Variants in ZBTB38 observed in about 807,000 individuals in gnomAD.
The protein encoded by ZBTB38 is zinc finger and BTB domain containing 38, also known as zinc finger and BTB domain-containing protein 38.
A neutral mutation model predicts 76.8 loss-of-function variants in ZBTB38; 20 were observed. That is an observed-to-expected ratio of 0.26 (90% CI 0.18 to 0.38). The LOEUF (loss-of-function observed/expected upper bound fraction) is 0.38. Ranked by LOEUF, ZBTB38 falls within the 10% of genes least tolerant of loss-of-function variation. ZBTB38 has a pLI of 1.00. For synonymous variants in ZBTB38, 504 were observed against 544.2 expected (o/e 0.93, Z 1.03); for missense variants, 1,082 against 1,482.3 (o/e 0.73, Z 4.43).
intron 1 of ZBTB38, among the ~76,000 whole-genome samples, chr3:141,360,903 GT>G (rs1018275359): frequency 6.6e-6 from 1 of 152,204 alleles, no homozygotes; most frequent in African/African-American, 2.4e-5. Context: ...CTTGTCCTCA[GT>G]TTCTCATCAA....
intron 1 of ZBTB38, among the ~76,000 whole-genome samples, chr3:141,341,555 A>C (rs111557926): frequency 0.036 from 5,487 of 152,350 alleles, 121 homozygotes; most frequent in Non-Finnish European, 0.045. Context: ...GAGAATGGAG[A>C]GCCAAGGGCA....
At chr3:141,342,438 A>C (rs1943225911) in intron 1 of ZBTB38, among the ~76,000 whole-genome samples, 1 of 151,944 alleles carries the variant, frequency 6.6e-6, no homozygotes, top group African/African-American at 2.4e-5. Flanking sequence ...CTAAGCAACA[A>C]GTATATACGT....
At chr3:141,416,642 G>A (rs2074113683) in intron 5 of ZBTB38, among the ~76,000 whole-genome samples, 1 of 152,222 alleles carries the variant, frequency 6.6e-6, no homozygotes, top group South Asian at 2.1e-4. Flanking sequence ...ACCCGTGAGT[G>A]TGACCTAATT....
intron 5 of ZBTB38, among the ~76,000 whole-genome samples, chr3:141,406,813 C>A (rs1954658170): frequency 6.6e-6 from 1 of 152,128 alleles, no homozygotes; most frequent in South Asian, 2.1e-4. Flanking sequence ...GGGAGCCAGG[C>A]ATGTCAGACC....
At chr3:141,360,418 C>T (rs770510373) in intron 1 of ZBTB38, among the ~76,000 whole-genome samples, 3 of 152,192 alleles carry the variant, frequency 2.0e-5, no homozygotes, top group Non-Finnish European at 2.9e-5. Context: ...CAAAAAGGGT[C>T]TACAATTGTC....
upstream of ZBTB38, among the ~76,000 whole-genome samples, chr3:141,363,578 G>T (rs115826427): frequency 4.2e-4 from 64 of 152,244 alleles, no homozygotes; most frequent in African/African-American, 1.5e-3. Flanking sequence ...AAGAGTCCAA[G>T]AATAAATATT....
intron 3 of ZBTB38, among the ~76,000 whole-genome samples, chr3:141,386,238 G>A (rs1010011993): frequency 2.0e-5 from 3 of 152,126 alleles, no homozygotes; most frequent in African/African-American, 4.8e-5. Flanking sequence ...AGCTTTAATC[G>A]TTCATGATGG....
intron 3 of ZBTB38, among the ~76,000 whole-genome samples, 190 bp downstream of exon 3, chr3:141,381,677 C>G (rs1294753672): frequency 6.6e-6 from 1 of 152,206 alleles, no homozygotes; most frequent in Non-Finnish European, 1.5e-5. Flanking sequence ...TAGGGTGGAG[C>G]TGGTGGATTA....
rs906071035 is a variant in ZBTB38, at chr3:141,413,429, C to T, written c.-1+9398C>T. On this transcript the variant is annotated intron_variant, in intron 5 of 5. Coordinates refer to ENST00000321464, the MANE Select transcript of ZBTB38 (RefSeq NM_001376113.1). The surrounding 1 kb of genome is among the most constrained non-coding windows in gnomAD (Gnocchi z 4.1). ...CAGTTCTGAGGATTCCTTGTGGGTA[C>T]TTGTGATCTTGGTGGAGATGCTTCA... is the stretch of plus-strand genomic sequence containing the variant. Among the ~76,000 whole-genome samples the T allele has an allele frequency of 1.3e-5, 2 of 152,174 alleles. No individual in the cohort carries two copies. The highest frequency in any genetic ancestry group is 2.9e-5 in the Non-Finnish European group (2 of 68,040).
chr3:141,334,867 C>A (rs1942972110), intron 1 of ZBTB38, among the ~76,000 whole-genome samples: 1 of 152,198 alleles, frequency 6.6e-6, no homozygotes, highest in African/African-American at 2.4e-5. Flanking sequence ...TGATTTTGAA[C>A]AATTAGCTAG....
intron 2 of ZBTB38, among the ~76,000 whole-genome samples, chr3:141,373,180 A>G (rs553250628): frequency 6.6e-6 from 1 of 152,368 alleles, no homozygotes; most frequent in African/African-American, 2.4e-5. Flanking sequence ...ATATTTTGAT[A>G]TTTGACATTT....
rs34207738 is a variant in ZBTB38 at position 141,394,017 on chromosome 3, CT to C, written c.-106+7092del. Among the ~76,000 whole-genome samples the C allele has an allele frequency of 1.3e-3, 192 of 143,418 alleles. 2 individuals carry two copies. The highest frequency in any genetic ancestry group is 3.4e-3 in the African/African-American group (131 of 38,274). The allele number at this position is 143,418 out of a possible 152,430, so 94.1% of individuals were successfully genotyped here. On this transcript the variant is annotated intron_variant, in intron 4 of 5. Transcript: ENST00000321464. ...TTTTTTTTCTTTCTTTCTTTTCTTT[CT>C]TTTTTTTTTTTGAAACGGAGTCTTG...
At chr3:141,340,954 G>GAAAAGA (rs375341315) in intron 1 of ZBTB38, among the ~76,000 whole-genome samples, 3 of 53,468 alleles carry the variant, frequency 5.6e-5, no homozygotes, top group African/African-American at 4.4e-4. Context: ...AAGAAGGAAA[G>GAAAAGA]AAAGAAAGAA....
chr3:141,346,558 C>A (rs1032782084), intron 1 of ZBTB38, among the ~76,000 whole-genome samples: 1 of 152,114 alleles, frequency 6.6e-6, no homozygotes, highest in African/African-American at 2.4e-5. Flanking sequence ...AAGGGCAGCG[C>A]GGTTGGCAGC....
At chr3:141,403,374 T>A (rs1192772348) in intron 4 of ZBTB38, among the ~76,000 whole-genome samples, 1 of 152,190 alleles carries the variant, frequency 6.6e-6, no homozygotes, top group African/African-American at 2.4e-5. Flanking sequence ...TATCTAAGTG[T>A]AGCGTTTTTC....
chr3:141,350,477 A>G (rs1278685418), intron 1 of ZBTB38, among the ~76,000 whole-genome samples: 1 of 152,086 alleles, frequency 6.6e-6, no homozygotes. Context: ...CAGTAATTCT[A>G]TCAAATCCTC....
intron 5 of ZBTB38, among the ~76,000 whole-genome samples, chr3:141,404,275 G>T (rs182241534): frequency 6.6e-6 from 1 of 152,182 alleles, no homozygotes; most frequent in Admixed American, 6.5e-5. Context: ...AGCAATTGTC[G>T]TGGGGTCTTT....
At chr3:141,361,394 T>C (rs1289835210) in intron 1 of ZBTB38, among the ~76,000 whole-genome samples, 2 of 152,246 alleles carry the variant, frequency 1.3e-5, no homozygotes, top group Non-Finnish European at 2.9e-5. Flanking sequence ...TTCCTGGTCC[T>C]GCCACTTCTG....
intron 5 of ZBTB38, among the ~76,000 whole-genome samples, chr3:141,440,119 G>A (rs893461552): frequency 1.3e-5 from 2 of 152,260 alleles, no homozygotes; most frequent in Non-Finnish European, 2.9e-5. Flanking sequence ...TACAGTTAAA[G>A]GCAGGGTAAA....
Sources: allele counts gnomAD v4.1 joint callset (sites outside exome capture counted in the v4.1 genomes callset), GRCh38; gene constraint gnomAD v4.1.1; non-coding constraint Gnocchi (gnomAD v3.1); transcripts MANE v1.5; gene names NCBI Gene and HGNC (gene_info 2026-07-23, HGNC 2026-07-21).